Variants in CD36 observed in about 807,000 individuals in gnomAD.
The protein encoded by CD36 is CD36 molecule (CD36 blood group), also known as platelet glycoprotein 4.
Under a neutral mutation model 55.2 loss-of-function variants are expected in CD36, and 119 were observed. That is an observed-to-expected ratio of 2.15 (90% CI 1.86 to 2.51). CD36 has a LOEUF of 2.51. Ranked by LOEUF, CD36 falls within the 30% of genes most tolerant of loss-of-function variation. The pLI, the probability that CD36 is intolerant of heterozygous loss-of-function variation, is 0.00. For synonymous variants in CD36, 186 were observed against 193.6 expected (o/e 0.96, Z 0.33); for missense variants, 819 against 555.5 (o/e 1.47, Z -4.77).
At chr7:80,611,431 A>G (rs1792872738) in intron 1 of CD36, among the ~76,000 whole-genome samples, 1 of 152,108 alleles carries the variant, frequency 6.6e-6, no homozygotes, top group African/African-American at 2.4e-5. Context: ...CATCTTGAAA[A>G]TTCTGAGAGA....
At chr7:80,668,912 T>A (rs1797383699) in intron 8 of CD36, among the ~76,000 whole-genome samples, 1 of 152,202 alleles carries the variant, frequency 6.6e-6, no homozygotes, top group Non-Finnish European at 1.5e-5. Flanking sequence ...AACTATTTCT[T>A]CATATATCCA....
chr7:80,611,373 T>C (rs1722505), intron 1 of CD36, among the ~76,000 whole-genome samples: 80,929 of 151,970 alleles, frequency 0.53, 22,431 homozygotes, highest in South Asian at 0.71. Context: ...TCCTATTTCT[T>C]ATCACTGTGG....
chr7:80,659,841 T>C (rs958938972), intron 4 of CD36, among the ~76,000 whole-genome samples: 3 of 151,610 alleles, frequency 2.0e-5, no homozygotes, highest in Admixed American at 1.3e-4. Flanking sequence ...ATTCTTTGTG[T>C]GTCTGCAGTA....
upstream of CD36, among the ~76,000 whole-genome samples, chr7:80,634,877 G>A (rs530046148): frequency 2.6e-5 from 4 of 151,774 alleles, no homozygotes; most frequent in East Asian, 3.9e-4. Flanking sequence ...ATGACTCAAA[G>A]TTTATGGAAT....
chr7:80,675,056 A>G (rs966407362), intron 14 of CD36, among the ~76,000 whole-genome samples: 10 of 152,108 alleles, frequency 6.6e-5, no homozygotes, highest in Admixed American at 5.2e-4. Context: ...GAATTTGGGG[A>G]CCAATAATTT....
intron 1 of CD36, among the ~76,000 whole-genome samples, chr7:80,643,928 G>A (rs1457936092): frequency 6.6e-6 from 1 of 152,094 alleles, no homozygotes; most frequent in Non-Finnish European, 1.5e-5. Context: ...TTTGGGGATG[G>A]TCTATGAAAT....
chr7:80,665,689 T>A (rs1033138367), intron 7 of CD36, among the ~76,000 whole-genome samples: 1 of 152,086 alleles, frequency 6.6e-6, no homozygotes, highest in Non-Finnish European at 1.5e-5. Context: ...ATTGTAAGGT[T>A]GATTTAACTC....
rs892430274 is a variant in CD36 at position 80,603,472 on chromosome 7, T to C, written c.-184+1093T>C. ...ACTCACAATTCAGATGGGATCTCTA[T>C]CTCAAAGAGAAATAGGCAACCTATC... On this transcript the variant is annotated intron_variant, in intron 1 of 13. Transcript: ENST00000309881. Among the ~76,000 whole-genome samples the C allele has an allele frequency of 8.0e-4, 121 of 152,136 alleles. 1 individual carries two copies. Among genetic ancestry groups the C allele is most frequent in the African/African-American group, 2.8e-3 (115 of 41,438 alleles).
intron 6 of CD36, 40 bp from the exon 7 acceptor site, chr7:80,664,366 T>A: frequency 9.3e-7 from 1 of 1,076,440 alleles, no homozygotes; most frequent in Non-Finnish European, 1.4e-6. Flanking sequence ...TTTGAAAAAA[T>A]GACTTGTAGA....
At chr7:80,635,171 G>T (rs1307907263), upstream of CD36, among the ~76,000 whole-genome samples, 3 of 152,050 alleles carry the variant, frequency 2.0e-5, no homozygotes, top group Admixed American at 6.6e-5. Flanking sequence ...GCCTCTCATT[G>T]TACACTTTTC....
At chr7:80,613,712 A>C (rs1792999425) in intron 1 of CD36, among the ~76,000 whole-genome samples, 2 of 152,134 alleles carry the variant, frequency 1.3e-5, no homozygotes, top group African/African-American at 2.4e-5. Context: ...GGGTTTATTT[A>C]AGTCTAGTCA....
intron 1 of CD36, among the ~76,000 whole-genome samples, chr7:80,627,735 C>A (rs1034912095): frequency 1.3e-5 from 2 of 152,010 alleles, no homozygotes; most frequent in African/African-American, 4.8e-5. Context: ...TTTGGTGTGA[C>A]TGAATTATTT....
intron 1 of CD36, among the ~76,000 whole-genome samples, chr7:80,611,768 T>C (rs1378617774): frequency 3.3e-5 from 5 of 152,178 alleles, no homozygotes. Context: ...ATTTTATGAT[T>C]GGGTGTCTTA....
At chr7:80,672,156 A>G (rs1451860799) in intron 11 of CD36, 116 bp downstream of exon 11, 4 of 886,118 alleles carry the variant, frequency 4.5e-6, no homozygotes, top group Non-Finnish European at 5.2e-6. Flanking sequence ...ATTGAATCAC[A>G]TTCTTGAAAG....
Position 80,676,727 on chromosome 7 carries a change from A to G in CD36, c.*344A>G, listed in dbSNP as rs1798177507. 6.6e-6 allele frequency: 1 copy of G among 151,872 alleles called. No homozygotes were observed. Among genetic ancestry groups the G allele is most frequent in the African/African-American group, 2.4e-5 (1 of 41,328 alleles). The allele number at this position is 151,872 out of a possible 1,614,324, so 9.4% of individuals were successfully genotyped here. A position where few individuals can be genotyped will look rare whatever the true frequency, so the allele number is the denominator to read the frequency against. ...GTCACTGATCCTGCAAATGGACATC[A>G]TTTTAGCACACTAGCGGTTTATATT... On this transcript the variant is annotated 3_prime_UTR_variant, in exon 15 of 15. Transcript: ENST00000447544.
chr7:80,650,270 T>G (rs1183395954), intron 3 of CD36, among the ~76,000 whole-genome samples: 1 of 152,128 alleles, frequency 6.6e-6, no homozygotes, highest in African/African-American at 2.4e-5. Context: ...AGGCTAAGCT[T>G]CTTTTTGCTC....
chr7:80,628,098 T>C (rs1793851799), intron 1 of CD36, among the ~76,000 whole-genome samples: 1 of 152,162 alleles, frequency 6.6e-6, no homozygotes, highest in South Asian at 2.1e-4. Flanking sequence ...CTTGATCAGA[T>C]ACTGGAATAA....
intron 13 of CD36, 67 bp from the exon 14 acceptor site, chr7:80,673,916 G>T: frequency 8.7e-7 from 1 of 1,147,330 alleles, no homozygotes. Context: ...AGGGTGATAG[G>T]CAATTGAAGG....
chr7:80,606,677 T>A (rs1163808232), intron 1 of CD36, among the ~76,000 whole-genome samples: 1 of 152,152 alleles, frequency 6.6e-6, no homozygotes, highest in Non-Finnish European at 1.5e-5. Context: ...TCACTCTGGG[T>A]CCGAGGGTCA....
Sources: gnomAD v4.1 joint callset for allele counts (sites outside exome capture counted in the v4.1 genomes callset) on GRCh38, gnomAD v4.1.1 for gene constraint, MANE v1.5 for transcripts, NCBI Gene and HGNC (gene_info 2026-07-23, HGNC 2026-07-21) for gene names.